The following ERMARD variants were observed in gnomAD, a reference collection of about 807,000 sequenced individuals.
ERMARD encodes the protein ER membrane associated RNA degradation.
ERMARD carries 71 observed loss-of-function variants against 83.9 expected under a neutral mutation model. The observed-to-expected ratio is 0.85, with a 90% CI of 0.70 to 1.03. ERMARD has a LOEUF of 1.03. Ranked by LOEUF, ERMARD falls within the 50% of genes least tolerant of loss-of-function variation. The probability of loss-of-function intolerance (pLI) is 0.00; values close to 1 mark genes in which losing one functional copy is unlikely to be tolerated. For synonymous variants in ERMARD, 284 were observed against 298.6 expected (o/e 0.95, Z 0.50); for missense variants, 838 against 810.9 (o/e 1.03, Z -0.41).
intron 12 of ERMARD, among the ~76,000 whole-genome samples, chr6:169,772,793 A>G (rs930216248): frequency 7.1e-6 from 1 of 141,464 alleles, no homozygotes; most frequent in Non-Finnish European, 1.5e-5. Flanking sequence ...AAAAAAAAAA[A>G]TTGTAGGTAG....
In ERMARD at chr6:169,756,458, T is replaced by C; in HGVS notation, c.417+19T>C. The C allele has an allele frequency of 1.3e-6, 2 of 1,507,386 alleles. No individual in the cohort carries two copies. The highest frequency in any genetic ancestry group is 1.8e-6 in the Non-Finnish European group (2 of 1,094,366). 93.4% of individuals were successfully genotyped at this position (1,507,386 alleles called of 1,614,324 possible). A position where few individuals can be genotyped will look rare whatever the true frequency, so the allele number is the denominator to read the frequency against. On this transcript the variant is annotated intron_variant, in intron 4 of 17. Transcript: ENST00000366773. ...GGGTGATGTAAGTGTGAGAACTCTT[T>C]CATTATTGGCCCATTAAATTATCTG...
chr6:169,751,531 G>A (rs1585327483), upstream of ERMARD: 19 of 1,610,334 alleles, frequency 1.2e-5, no homozygotes, highest in South Asian at 1.8e-4. Flanking sequence ...CCAGTCCCGC[G>A]AGGGCGGAAG....
chr6:169,774,675 G>A (rs1030343725), intron 13 of ERMARD, among the ~76,000 whole-genome samples: 7 of 152,208 alleles, frequency 4.6e-5, no homozygotes, highest in East Asian at 1.9e-4. Flanking sequence ...AGCAGCCACC[G>A]TTGTACTTGC....
chr6:169,769,756 C>A, intron 12 of ERMARD, 43 bp downstream of exon 12: 2 of 1,493,952 alleles, frequency 1.3e-6, no homozygotes, highest in Non-Finnish European at 1.8e-6. Flanking sequence ...TTAACTCATT[C>A]AGCTATGAAA....
intron 1 of ERMARD, 43 bp downstream of exon 1, chr6:169,751,706 G>A (rs1458410320): frequency 6.5e-6 from 10 of 1,530,768 alleles, no homozygotes; most frequent in African/African-American, 1.4e-5. Flanking sequence ...AGCTAGGCAG[G>A]GAGTCGGCGC....
chr6:169,756,788 C>G lies in ERMARD; in HGVS notation c.487C>G (p.Gln163Glu). The change falls in exon 5 of 18, where the codon CAA becomes GAA. Residue 163 changes from glutamine to glutamate, a missense_variant. Physicochemically the swap from Gln to Glu is conservative, Grantham distance 29. Transcript: ENST00000366773. ...RDLLSSEELA[Q>E]VFSQSVMNVL... The stretch of plus-strand genomic sequence containing the variant: ...TCTGCTTTCATCTGAGGAGCTTGCT[C>G]AAGTCTTCAGTCAGTCTGTGGTAAG... 1 of 1,613,992 alleles carries G rather than the reference C, an allele frequency of 6.2e-7. No homozygotes were observed. Among genetic ancestry groups the G allele is most frequent in the South Asian group, 1.1e-5 (1 of 91,066 alleles).
At chr6:169,752,535 A>T (rs1790259410) in intron 1 of ERMARD, among the ~76,000 whole-genome samples, 1 of 152,190 alleles carries the variant, frequency 6.6e-6, no homozygotes, top group Admixed American at 6.5e-5. Context: ...TGATGACTTA[A>T]TTGTTAGGGC....
At chr6:169,755,467 A>G (rs1392752406) in intron 3 of ERMARD, 45 bp downstream of exon 3, 10 of 1,609,246 alleles carry the variant, frequency 6.2e-6, no homozygotes, top group East Asian at 2.2e-5. Context: ...CTGTGCGAAT[A>G]CTACTTAGAG....
Position 169,775,954 on chromosome 6 carries a change from C to T in ERMARD, c.1409C>T (p.Ser470Phe), listed in dbSNP as rs779956919. The T allele has an allele frequency of 6.2e-7, 1 of 1,614,056 alleles. No homozygotes were observed. Among genetic ancestry groups the T allele is most frequent in the Non-Finnish European group, 8.5e-7 (1 of 1,180,014 alleles). Residue 470 changes from serine to phenylalanine, a missense_variant, in exon 15 of 18, where the codon TCT becomes TTT. Transcript: ENST00000366773. ...CTGTTTTTCAGATTAGAAGATAATT[C>T]TGAAACAAATGCCTGCCACTCTTTG... ...TRQAVRLEDN[S>F]ETNACHSLIT...
chr6:169,757,255 CT>C (rs1179813393), intron 5 of ERMARD, among the ~76,000 whole-genome samples: 2 of 152,130 alleles, frequency 1.3e-5, no homozygotes, highest in African/African-American at 4.8e-5. Flanking sequence ...ACTGATGATG[CT>C]TTAGGGAAAA....
At position 169,779,174 on chromosome 6, in the gene ERMARD, G is replaced by A; in HGVS notation, c.1740-8G>A. 1 of 1,609,952 alleles carries A rather than the reference G, an allele frequency of 6.2e-7. No homozygotes were observed. Among genetic ancestry groups the A allele is most frequent in the Non-Finnish European group, 8.5e-7 (1 of 1,176,172 alleles). On this transcript the variant is annotated splice_region_variant and splice_polypyrimidine_tract_variant and intron_variant, in intron 16 of 17. Coordinates refer to ENST00000366773, the MANE Select transcript of ERMARD (RefSeq NM_018341.3). ...CTCACATTTTAATTTACTTTTATCTGTTTTTAGTATCAGACTACTGTCCCC... is the reference window on the plus strand; with the variant it reads ...CTCACATTTTAATTTACTTTTATCTATTTTTAGTATCAGACTACTGTCCCC...
chr6:169,776,881 G>T (rs1793671589), intron 16 of ERMARD, among the ~76,000 whole-genome samples: 1 of 152,202 alleles, frequency 6.6e-6, no homozygotes, highest in African/African-American at 2.4e-5. Context: ...CTTTCCCAGG[G>T]TTAAGGACAT....
chr6:169,754,940 A>G (rs1790606292), intron 2 of ERMARD, among the ~76,000 whole-genome samples: 1 of 152,196 alleles, frequency 6.6e-6, no homozygotes, highest in Admixed American at 6.5e-5. Context: ...AGCCTGGTTT[A>G]ATTAAAAAAA....
intron 2 of ERMARD, among the ~76,000 whole-genome samples, chr6:169,754,485 C>T (rs1044710007): frequency 1.3e-5 from 2 of 152,192 alleles, no homozygotes; most frequent in Admixed American, 6.5e-5. Context: ...ATACTCTGGC[C>T]TAGCAGTCCG....
In ERMARD at chr6:169,756,673, A is replaced by G. The variant is rs777287505; in HGVS notation, c.418-46A>G. 6.6e-6 allele frequency: 10 copies of G among 1,511,640 alleles called. No homozygotes were observed. In the South Asian group the frequency reaches 1.0e-4, roughly 15 times the overall value. The allele number at this position is 1,511,640 out of a possible 1,614,324, so 93.6% of individuals were successfully genotyped here. A position where few individuals can be genotyped will look rare whatever the true frequency, so the allele number is the denominator to read the frequency against. On this transcript the variant is annotated intron_variant, in intron 4 of 17. Coordinates refer to ENST00000366773, the MANE Select transcript of ERMARD (RefSeq NM_018341.3). Reference sequence around the variant, plus strand: ...TTCATGGATAATGTTTTTAATGTTTATTGGCTCATAATACAACTGTTACAC... The same window carrying G: ...TTCATGGATAATGTTTTTAATGTTTGTTGGCTCATAATACAACTGTTACAC...
At chr6:169,765,626 A>G (rs1792100619) in intron 9 of ERMARD, among the ~76,000 whole-genome samples, 1 of 152,268 alleles carries the variant, frequency 6.6e-6, no homozygotes. Context: ...TTTTAGGGCT[A>G]GCAATACAGA....
Position 169,760,713 on chromosome 6 carries a change from T to C in ERMARD, c.814T>C (p.Leu272=), listed in dbSNP as rs1227476986. ...ATCTGCTTTTATATTAAAAATCATG[T>C]TACCATATTGGGAAGTTGCACTGGT... is the stretch of plus-strand genomic sequence containing the variant. ...MKSAFILKIM[L]PYWEVALVKF... The change falls in exon 8 of 18, where the codon TTA becomes CTA. Residue 272 remains leucine (L), a synonymous_variant. Transcript: ENST00000366773. 1.9e-6 allele frequency: 3 copies of C among 1,614,056 alleles called. No individual in the cohort carries two copies. In the South Asian group the frequency reaches 3.3e-5, roughly 18 times the overall value.
chr6:169,775,487 G>T, intron 14 of ERMARD, 141 bp downstream of exon 14: 1 of 927,626 alleles, frequency 1.1e-6, no homozygotes, highest in Non-Finnish European at 1.6e-6. Flanking sequence ...TGCAGGCTGT[G>T]GGGAGCTGGA....
At chr6:169,752,043 T>G (rs1404610711) in intron 1 of ERMARD, 5 of 285,348 alleles carry the variant, frequency 1.8e-5, no homozygotes, top group Non-Finnish European at 3.2e-5. Flanking sequence ...TCGCTGCCTG[T>G]AGGGTCCACA....
Sources: gnomAD v4.1 joint callset for allele counts (sites outside exome capture counted in the v4.1 genomes callset) on GRCh38, gnomAD v4.1.1 for gene constraint, MANE v1.5 for transcripts, NCBI Gene and HGNC (gene_info 2026-07-23, HGNC 2026-07-21) for gene names.